The following TRAPPC9 variants were observed in gnomAD, a reference collection of about 807,000 sequenced individuals.
TRAPPC9 encodes trafficking protein particle complex subunit 9, also known as IKK2 binding protein.
Under a neutral mutation model 124.0 loss-of-function variants are expected in TRAPPC9, and 83 were observed. The observed-to-expected ratio is 0.67, with a 90% CI of 0.56 to 0.80. The LOEUF (loss-of-function observed/expected upper bound fraction) is 0.80. Among genes scored for constraint, TRAPPC9 ranks in the 30% least tolerant of loss-of-function variants. The pLI is 0.00. For missense variants in TRAPPC9, 1,302 were observed against 1,508.3 expected, an observed-to-expected ratio of 0.86 and a Z score of 2.27; for synonymous variants, 638 against 617.5, an observed-to-expected ratio of 1.03 and a Z score of -0.49.
chr8:140,420,745 T>C (rs988113609), intron 5 of TRAPPC9, among the ~76,000 whole-genome samples: 1 of 152,114 alleles, frequency 6.6e-6, no homozygotes, highest in Non-Finnish European at 1.5e-5. Flanking sequence ...AAATAACTTA[T>C]AAATAAGAGT....
intron 15 of TRAPPC9, among the ~76,000 whole-genome samples, chr8:140,261,344 GC>G (rs2131553783): frequency 6.6e-6 from 1 of 152,294 alleles, no homozygotes; most frequent in African/African-American, 2.4e-5. Flanking sequence ...TGTAGCCCCT[GC>G]CCTCTGGGGA....
chr8:140,378,670 G>A lies in TRAPPC9; in HGVS notation c.1135-7490C>T, dbSNP rs140591998. Among the ~76,000 whole-genome samples, 606 of 152,230 alleles carry A rather than the reference G, an allele frequency of 4.0e-3. 4 individuals are homozygous for A. Among genetic ancestry groups the A allele is most frequent in the Admixed American group, 5.9e-3 (90 of 15,286 alleles). On this transcript the variant is annotated intron_variant, in intron 7 of 22. Transcript: ENST00000438773. ...AAGTTTCCTTATTTTCTTACTTTAA[G>A]GACTGAGGTATTTTCTATTTCATTC...
intron 18 of TRAPPC9, among the ~76,000 whole-genome samples, chr8:140,023,575 C>G (rs910997662): frequency 5.9e-5 from 9 of 152,182 alleles, no homozygotes; most frequent in African/African-American, 2.2e-4. Context: ...GTCCCTAAGA[C>G]ATGTGCTATC....
chr8:139,731,359 G>T, intron 22 of TRAPPC9, 131 bp from the exon 23 acceptor site: 1 of 1,049,264 alleles, frequency 9.5e-7, no homozygotes, highest in Non-Finnish European at 1.4e-6. Context: ...CCTGGCTCCA[G>T]TGCCCCCTCC....
chr8:140,313,091 C>A (rs1159597790), intron 9 of TRAPPC9, among the ~76,000 whole-genome samples: 1 of 152,192 alleles, frequency 6.6e-6, no homozygotes, highest in Non-Finnish European at 1.5e-5. Flanking sequence ...GAGAGCAGAG[C>A]AGAAAAGTGA....
chr8:139,749,766 G>C (rs533658890), intron 21 of TRAPPC9, among the ~76,000 whole-genome samples: 1 of 152,168 alleles, frequency 6.6e-6, no homozygotes, highest in African/African-American at 2.4e-5. Context: ...CGCCAGAGCC[G>C]GGCAGCTGGA....
chr8:139,798,008 A>C (rs1196487087), intron 21 of TRAPPC9, among the ~76,000 whole-genome samples: 1 of 152,226 alleles, frequency 6.6e-6, no homozygotes, highest in East Asian at 1.9e-4. Flanking sequence ...TATGAATTTT[A>C]GGATCAGCAG....
intron 21 of TRAPPC9, among the ~76,000 whole-genome samples, chr8:139,819,204 G>T (rs924004187): frequency 1.3e-5 from 2 of 152,124 alleles, no homozygotes; most frequent in African/African-American, 2.4e-5. Flanking sequence ...CTCCTTATGA[G>T]AATCTAATGC....
At chr8:140,397,792 T>C in intron 6 of TRAPPC9, 47 bp from the exon 7 acceptor site, 1 of 1,610,906 alleles carries the variant, frequency 6.2e-7, no homozygotes, top group Non-Finnish European at 8.5e-7. Flanking sequence ...AGTTCAGATG[T>C]TTCTGTCACA....
At chr8:140,359,973 G>T (rs1204527075) in intron 9 of TRAPPC9, 77 bp downstream of exon 9, 3 of 1,602,060 alleles carry the variant, frequency 1.9e-6, no homozygotes, top group Non-Finnish European at 2.6e-6. Context: ...CAAGCCCAGG[G>T]TTTACATGAA....
intron 9 of TRAPPC9, among the ~76,000 whole-genome samples, chr8:140,357,323 G>A (rs1254537966): frequency 6.6e-6 from 1 of 152,098 alleles, no homozygotes; most frequent in Non-Finnish European, 1.5e-5. Flanking sequence ...TCAAGATGCA[G>A]CAGACACAGC....
intron 21 of TRAPPC9, among the ~76,000 whole-genome samples, chr8:139,854,987 C>T (rs929212495): frequency 6.6e-6 from 1 of 152,156 alleles, no homozygotes; most frequent in Non-Finnish European, 1.5e-5. Flanking sequence ...CCTTCCCTTC[C>T]TATCAATCGT....
At chr8:140,098,992 A>T (rs1210211257) in intron 17 of TRAPPC9, 2 of 152,192 alleles carry the variant, frequency 1.3e-5, no homozygotes, top group Non-Finnish European at 2.9e-5. Context: ...GATCCTCCAC[A>T]GCCGTGCACA....
chr8:140,168,079 C>A (rs894307518), intron 17 of TRAPPC9, among the ~76,000 whole-genome samples: 1 of 152,198 alleles, frequency 6.6e-6, no homozygotes, highest in African/African-American at 2.4e-5. Context: ...CTCCCCAAAC[C>A]CCAGCTTTCT....
intron 21 of TRAPPC9, among the ~76,000 whole-genome samples, chr8:139,803,099 T>C (rs1823664613): frequency 6.6e-6 from 1 of 152,114 alleles, no homozygotes; most frequent in Non-Finnish European, 1.5e-5. Flanking sequence ...TATGTCATTG[T>C]GTGTGCATCC....
intron 17 of TRAPPC9, among the ~76,000 whole-genome samples, chr8:140,101,805 G>A (rs777533045): frequency 5.9e-5 from 9 of 151,478 alleles, no homozygotes; most frequent in African/African-American, 9.7e-5. Flanking sequence ...GGCCTCCCAA[G>A]CTGGGATTAC....
intron 17 of TRAPPC9, among the ~76,000 whole-genome samples, chr8:140,169,890 G>A (rs779689204): frequency 6.6e-6 from 1 of 151,856 alleles, no homozygotes; most frequent in Non-Finnish European, 1.5e-5. Flanking sequence ...GGTGTGCACC[G>A]CCATGCTCAG....
At chr8:140,188,409 T>G (rs947422435) in intron 17 of TRAPPC9, among the ~76,000 whole-genome samples, 1 of 152,122 alleles carries the variant, frequency 6.6e-6, no homozygotes, top group Non-Finnish European at 1.5e-5. Flanking sequence ...TTAAGTAACA[T>G]CTCCCTCCTC....
intron 9 of TRAPPC9, among the ~76,000 whole-genome samples, chr8:140,327,705 G>T (rs2066775679): frequency 1.3e-5 from 2 of 152,142 alleles, no homozygotes; most frequent in Non-Finnish European, 2.9e-5. Context: ...ACCTAAAATA[G>T]GCAAATTCAT....
Sources: allele counts gnomAD v4.1 joint callset (sites outside exome capture counted in the v4.1 genomes callset), GRCh38; gene constraint gnomAD v4.1.1; transcripts MANE v1.5; gene names NCBI Gene and HGNC (gene_info 2026-07-23, HGNC 2026-07-21).